The following ZNF804B variants were observed in gnomAD, a reference collection of about 807,000 sequenced individuals.
The protein encoded by ZNF804B is zinc finger 804B.
Under a neutral mutation model 101.4 loss-of-function variants are expected in ZNF804B, and 80 were observed. The observed-to-expected ratio is 0.79, with a 90% CI of 0.66 to 0.95. The LOEUF (loss-of-function observed/expected upper bound fraction) is 0.95. Among genes scored for constraint, ZNF804B ranks in the 40% least tolerant of loss-of-function variants. The pLI is 0.00. For missense variants in ZNF804B, 1,673 were observed against 1,561.9 expected (o/e 1.07, Z -1.20); for synonymous variants, 622 against 558.8 (o/e 1.11, Z -1.59).
At position 88,950,325 on chromosome 7, in the gene ZNF804B, T is replaced by C. The variant is rs1793199131; in HGVS notation, c.108+190241T>C. Among the ~76,000 whole-genome samples the C allele has an allele frequency of 1.3e-5, 2 of 151,924 alleles. 1 individual carries two copies. The highest frequency in any genetic ancestry group is 4.1e-4 in the South Asian group (2 of 4,826). On this transcript the variant is annotated intron_variant, in intron 1 of 3. Transcript: ENST00000333190. The stretch of plus-strand genomic sequence containing the variant: ...TTATGTAACTAAACTGTCTCTGCCA[T>C]TAAGTAGTTTTCAGTAAGGCATTTC...
chr7:88,842,715 G>C (rs2115808517), intron 1 of ZNF804B, among the ~76,000 whole-genome samples: 1 of 152,242 alleles, frequency 6.6e-6, no homozygotes, highest in Non-Finnish European at 1.5e-5. Context: ...ATATTTACTG[G>C]GCTCTGCTGC....
At chr7:89,281,247 T>C (rs1336884854) in intron 2 of ZNF804B, among the ~76,000 whole-genome samples, 1 of 152,194 alleles carries the variant, frequency 6.6e-6, no homozygotes, top group African/African-American at 2.4e-5. Flanking sequence ...AATAATCTTT[T>C]ATTTTGGCTC....
chr7:89,186,382 AC>A (rs1216021190), intron 1 of ZNF804B, among the ~76,000 whole-genome samples: 1 of 152,068 alleles, frequency 6.6e-6, no homozygotes, highest in Non-Finnish European at 1.5e-5. Context: ...AAGATATAAC[AC>A]CTTTTTTATT....
At chr7:89,086,861 T>C (rs1272481988) in intron 1 of ZNF804B, among the ~76,000 whole-genome samples, 4 of 151,906 alleles carry the variant, frequency 2.6e-5, no homozygotes, top group African/African-American at 4.8e-5. Flanking sequence ...TTGTATAAAA[T>C]TGAATCTATA....
intron 1 of ZNF804B, among the ~76,000 whole-genome samples, chr7:88,932,434 T>C (rs535438870): frequency 7.3e-5 from 11 of 151,300 alleles, no homozygotes; most frequent in African/African-American, 2.7e-4. Context: ...ACAAAAAAAA[T>C]ACAAAAGATA....
At chr7:89,033,615 T>C (rs1023178942) in intron 1 of ZNF804B, among the ~76,000 whole-genome samples, 4 of 152,170 alleles carry the variant, frequency 2.6e-5, no homozygotes, top group African/African-American at 7.2e-5. Context: ...TAATAAAAAA[T>C]ATAGTTCGTT....
intron 1 of ZNF804B, among the ~76,000 whole-genome samples, chr7:89,142,165 C>T (rs972781777): frequency 1.5e-4 from 23 of 151,924 alleles, no homozygotes; most frequent in Middle Eastern, 3.4e-3. Flanking sequence ...CATCAAAACT[C>T]TTGCAAAATT....
At position 89,333,870 on chromosome 7, in the gene ZNF804B, C is replaced by T; in HGVS notation, c.888C>T (p.Ile296=). The T allele has an allele frequency of 1.2e-6, 2 of 1,613,128 alleles. No individual in the cohort carries two copies. Among genetic ancestry groups the T allele is most frequent in the Non-Finnish European group, 8.5e-7 (1 of 1,179,590 alleles). The change falls in exon 4 of 4, where the codon ATC becomes ATT. Residue 296 remains isoleucine, a synonymous_variant. Coordinates refer to ENST00000333190, the MANE Select transcript of ZNF804B (RefSeq NM_181646.5). ...SHLESVLHNT[I]SINSKILQDK... ...TGGAAAGTGTTTTACACAATACCAT[C>T]TCCATAAACTCTAAAATTTTGCAAG...
rs1562812908 is a variant in ZNF804B, at chr7:88,854,529, T to TCCTTCCCTTCCCTTC, written c.108+94451_108+94452insCTTCCCTTCCCTTCC. 3.0e-3 allele frequency among the ~76,000 whole-genome samples: 172 copies of TCCTTCCCTTCCCTTC among 57,892 alleles called. 9 individuals carry two copies. The highest frequency in any genetic ancestry group is 0.012 in the African/African-American group (162 of 13,698). 38.0% of individuals were successfully genotyped at this position (57,892 alleles called of 152,430 possible). ...TTCCTTTCCTTTCCTTTCCTTCCTT[T>TCCTTCCCTTCCCTTC]CCTTCCTTCCTTCCTTCCTTCCTTC... On this transcript the variant is annotated intron_variant, in intron 1 of 3. Transcript: ENST00000333190.
chr7:89,309,539 A>G (rs568682956), intron 2 of ZNF804B, among the ~76,000 whole-genome samples: 1 of 152,136 alleles, frequency 6.6e-6, no homozygotes, highest in Admixed American at 6.6e-5. Flanking sequence ...AAGCAGGCAG[A>G]TCACAATGTC....
At chr7:89,003,816 A>G (rs559824217) in intron 1 of ZNF804B, among the ~76,000 whole-genome samples, 2 of 152,062 alleles carry the variant, frequency 1.3e-5, no homozygotes, top group Admixed American at 1.3e-4. Context: ...CATAGCCACA[A>G]CATGAATCAT....
intron 1 of ZNF804B, among the ~76,000 whole-genome samples, chr7:89,136,011 A>G (rs1790629374): frequency 1.3e-5 from 2 of 152,276 alleles, no homozygotes; most frequent in South Asian, 2.1e-4. Flanking sequence ...CTTAACCTTC[A>G]AAAATATTTC....
At chr7:89,110,298 C>T (rs1245781329) in intron 1 of ZNF804B, among the ~76,000 whole-genome samples, 1 of 152,090 alleles carries the variant, frequency 6.6e-6, no homozygotes, top group Non-Finnish European at 1.5e-5. Context: ...ATCTAGTGAG[C>T]TGATGAGAGG....
chr7:89,017,670 T>A (rs924162764), intron 1 of ZNF804B, among the ~76,000 whole-genome samples: 5 of 152,172 alleles, frequency 3.3e-5, no homozygotes, highest in African/African-American at 9.6e-5. Flanking sequence ...GTCTTTCTGT[T>A]ATTTTTGTGT....
chr7:89,014,616 A>T (rs1450340471), intron 1 of ZNF804B, among the ~76,000 whole-genome samples: 1 of 152,134 alleles, frequency 6.6e-6, no homozygotes, highest in Non-Finnish European at 1.5e-5. Context: ...GCGCCCAGCG[A>T]TTGAACTTTT....
chr7:89,007,446 TTATATATATATATATATATATATATA>T (rs61374091), intron 1 of ZNF804B, among the ~76,000 whole-genome samples: 2 of 57,202 alleles, frequency 3.5e-5, no homozygotes, highest in African/African-American at 1.3e-4. Context: ...ATCCATGATT[TTATATATATATATATATATATATATA>T]TATATATATA....
chr7:89,168,666 G>C (rs1168940821), intron 1 of ZNF804B, among the ~76,000 whole-genome samples: 1 of 141,414 alleles, frequency 7.1e-6, no homozygotes, highest in Non-Finnish European at 1.5e-5. Flanking sequence ...TGAATCCCTT[G>C]TAGTAGAGCT....
At chr7:89,097,809 GATTT>G (rs1332034792) in intron 1 of ZNF804B, among the ~76,000 whole-genome samples, 2 of 152,072 alleles carry the variant, frequency 1.3e-5, no homozygotes, top group South Asian at 2.1e-4. Context: ...TGCAAACTCT[GATTT>G]ATTTTATAAT....
chr7:88,996,900 G>C (rs1251705336), intron 1 of ZNF804B, among the ~76,000 whole-genome samples: 1 of 152,046 alleles, frequency 6.6e-6, no homozygotes, highest in South Asian at 2.1e-4. Context: ...GTTGGAAGAT[G>C]TCCATATCTG....
Sources: allele counts gnomAD v4.1 joint callset (sites outside exome capture counted in the v4.1 genomes callset), GRCh38; gene constraint gnomAD v4.1.1; transcripts MANE v1.5; gene names NCBI Gene and HGNC (gene_info 2026-07-23, HGNC 2026-07-21).